Variants in DST observed in about 807,000 individuals in gnomAD.
DST encodes bullous pemphigoid antigen.
DST carries 253 observed loss-of-function variants against 875.2 expected under a neutral mutation model. The ratio of observed to expected loss-of-function variants is 0.29; its 90% CI spans 0.26 to 0.32. The LOEUF (loss-of-function observed/expected upper bound fraction) is 0.32. Ranked by LOEUF, DST falls within the 10% of genes least tolerant of loss-of-function variation. DST has a pLI of 1.00. For synonymous variants in DST, 3,124 were observed against 3,197.1 expected, an observed-to-expected ratio of 0.98 and a Z score of 0.77; for missense variants, 8,287 against 9,111.6, an observed-to-expected ratio of 0.91 and a Z score of 3.68.
At chr6:56,734,060 A>G (rs888759351) in intron 5 of DST, among the ~76,000 whole-genome samples, 2 of 152,248 alleles carry the variant, frequency 1.3e-5, no homozygotes, top group African/African-American at 4.8e-5. Context: ...TGTAAGGAAG[A>G]GATCCTCTCC....
At chr6:56,918,212 C>A (rs904038475) in intron 2 of DST, among the ~76,000 whole-genome samples, 7 of 151,702 alleles carry the variant, frequency 4.6e-5, no homozygotes, top group Non-Finnish European at 1.0e-4. Flanking sequence ...CTGCAACCTC[C>A]ACCTCCCGGG....
chr6:56,725,328 C>G (rs2099447759), intron 5 of DST, among the ~76,000 whole-genome samples: 1 of 152,218 alleles, frequency 6.6e-6, no homozygotes, highest in Admixed American at 6.5e-5. Flanking sequence ...GCACAGCTGA[C>G]TTTTCTTCCT....
At chr6:56,666,886 A>G (rs967365337) in intron 10 of DST, among the ~76,000 whole-genome samples, 4 of 152,018 alleles carry the variant, frequency 2.6e-5, no homozygotes, top group Non-Finnish European at 4.4e-5. Context: ...TGGAGGCAGA[A>G]GCAGGTAACG....
intron 48 of DST, 70 bp downstream of exon 48, chr6:56,593,593 G>T: frequency 1.1e-5 from 14 of 1,279,966 alleles, no homozygotes; most frequent in Admixed American, 2.9e-5. Flanking sequence ...CTTGCCTCTT[G>T]TTCCAAAACT....
chr6:56,554,730 A>G (rs1467362943), intron 60 of DST, among the ~76,000 whole-genome samples: 2 of 152,226 alleles, frequency 1.3e-5, no homozygotes, highest in African/African-American at 2.4e-5. Flanking sequence ...TAAAAAGCAT[A>G]ACTTGAGTAT....
chr6:56,691,468 T>C (rs1239811226), intron 9 of DST, among the ~76,000 whole-genome samples: 1 of 152,184 alleles, frequency 6.6e-6, no homozygotes, highest in Non-Finnish European at 1.5e-5. Context: ...ATGCAAATGA[T>C]CTCTGCTCAT....
chr6:56,496,327 A>G (rs2095902400), intron 82 of DST, among the ~76,000 whole-genome samples: 1 of 152,146 alleles, frequency 6.6e-6, no homozygotes, highest in Non-Finnish European at 1.5e-5. Context: ...TTAGGAGCCA[A>G]CTGTGTCACA....
chr6:56,832,614 T>G (rs1358654794), intron 4 of DST, among the ~76,000 whole-genome samples: 1 of 138,048 alleles, frequency 7.2e-6, no homozygotes, highest in Non-Finnish European at 1.5e-5. Flanking sequence ...CAAATAACAC[T>G]GCAAAAAAAA....
At chr6:56,460,346 C>T in intron 102 of DST, 92 bp from the exon 103 acceptor site, 1 of 1,379,182 alleles carries the variant, frequency 7.3e-7, no homozygotes, top group Non-Finnish European at 1.0e-6. Context: ...GGTGGAAACT[C>T]TCTACTATTC....
chr6:56,781,481 G>T (rs1461445029), intron 4 of DST, among the ~76,000 whole-genome samples: 3 of 152,184 alleles, frequency 2.0e-5, no homozygotes, highest in African/African-American at 7.2e-5. Flanking sequence ...TCTCTTGGAA[G>T]CAACTGTGAA....
At chr6:56,795,605 A>G (rs1020402959) in intron 4 of DST, among the ~76,000 whole-genome samples, 3 of 152,164 alleles carry the variant, frequency 2.0e-5, no homozygotes, top group African/African-American at 7.2e-5. Flanking sequence ...GGAGCTTTTC[A>G]GAAATATCTA....
chr6:56,754,936 A>G (rs758507799), intron 4 of DST, among the ~76,000 whole-genome samples: 6 of 152,176 alleles, frequency 3.9e-5, no homozygotes, highest in Non-Finnish European at 8.8e-5. Flanking sequence ...GATAAACAAC[A>G]GGATTATAAA....
chr6:56,847,378 T>C (rs2099808286), intron 4 of DST, among the ~76,000 whole-genome samples: 2 of 152,228 alleles, frequency 1.3e-5, no homozygotes, highest in South Asian at 4.1e-4. Flanking sequence ...ATGTGACGCC[T>C]TCACTAATAT....
chr6:56,464,650 G>C (rs771286910), intron 100 of DST, 35 bp downstream of exon 100: 1 of 1,426,408 alleles, frequency 7.0e-7, no homozygotes, highest in Non-Finnish European at 9.7e-7. Context: ...AAGAGAAAAG[G>C]AAAGAGGGGA....
At chr6:56,536,321 CTTTG>C (rs1335904479) in intron 62 of DST, among the ~76,000 whole-genome samples, 4 of 152,188 alleles carry the variant, frequency 2.6e-5, no homozygotes, top group African/African-American at 7.2e-5. Flanking sequence ...AAAGACATAA[CTTTG>C]TTTGTATGGT....
At chr6:56,915,388 G>A (rs1800448405) in intron 2 of DST, among the ~76,000 whole-genome samples, 2 of 152,160 alleles carry the variant, frequency 1.3e-5, no homozygotes, top group South Asian at 4.1e-4. Flanking sequence ...AGTGGTAAAT[G>A]TTCACACTAA....
intron 4 of DST, among the ~76,000 whole-genome samples, chr6:56,832,791 G>A (rs535423228): frequency 6.6e-6 from 1 of 152,150 alleles, no homozygotes; most frequent in Non-Finnish European, 1.5e-5. Context: ...CCAGGCTGGA[G>A]TGCAATGGCA....
At chr6:56,786,281 T>C (rs1323602557) in intron 4 of DST, among the ~76,000 whole-genome samples, 1 of 152,244 alleles carries the variant, frequency 6.6e-6, no homozygotes, top group Non-Finnish European at 1.5e-5. Context: ...ACCCATTTCT[T>C]AGATAGACAT....
In DST at chr6:56,689,360, G is replaced by C. The variant is rs573400140; in HGVS notation, c.1047+10293C>G. On this transcript the variant is annotated intron_variant, in intron 9 of 103. Transcript: ENST00000680361. ...AAGAACTTCGATCTTCTGCCTGCCA[G>C]GCCCGTAGTCCACATTGCTTATCAG... is the stretch of plus-strand genomic sequence containing the variant. 1.6e-4 allele frequency among the ~76,000 whole-genome samples: 25 copies of C among 152,222 alleles called. No homozygotes were observed. In the South Asian group the frequency reaches 5.0e-3, roughly 30 times the overall value.
Sources: gnomAD v4.1 joint callset for allele counts (sites outside exome capture counted in the v4.1 genomes callset) on GRCh38, gnomAD v4.1.1 for gene constraint, MANE v1.5 for transcripts, NCBI Gene and HGNC (gene_info 2026-07-23, HGNC 2026-07-21) for gene names.